NTM: variants seen among roughly 807,000 people sequenced by gnomAD.
NTM encodes IgLON family member 2.
NTM carries 13 observed loss-of-function variants against 42.1 expected under a neutral mutation model. The observed-to-expected ratio is 0.31, with a 90% CI of 0.20 to 0.49. The LOEUF is 0.49. Ranked by LOEUF, NTM falls within the 20% of genes least tolerant of loss-of-function variation. NTM has a pLI of 0.99. For missense variants in NTM, 373 were observed against 452.8 expected (o/e 0.82, Z 1.60); for synonymous variants, 187 against 179.2 (o/e 1.04, Z -0.35).
intron 1 of NTM, chr11:131,540,616 G>A (rs1030267159): frequency 5.9e-5 from 9 of 152,296 alleles, no homozygotes; most frequent in East Asian, 3.9e-4. Flanking sequence ...GATCTTCTCC[G>A]TCCAGATGTT....
chr11:131,627,198 T>A (rs1205454733), intron 1 of NTM, among the ~76,000 whole-genome samples: 2 of 151,962 alleles, frequency 1.3e-5, no homozygotes, highest in Admixed American at 6.6e-5. Context: ...TATTTGTGCA[T>A]GAATAAAGCA....
chr11:131,963,988 T>C (rs770611194), intron 2 of NTM, among the ~76,000 whole-genome samples: 12 of 152,208 alleles, frequency 7.9e-5, no homozygotes, highest in Non-Finnish European at 1.8e-4. Context: ...TTATACTTAG[T>C]ATAAGTCTGT....
rs954731173 is a variant in NTM, at chr11:131,538,586, G to A, written c.82+167698G>A. On this transcript the variant is annotated intron_variant, in intron 1 of 8. Coordinates refer to ENST00000683400, the MANE Select transcript of NTM (RefSeq NM_001352005.2). ...GTTAGTGCCTGATCACGGGGCTGGAGGAGCTCTGGAGCAGAGCTCAGGCAA... is the reference window on the plus strand; with the variant it reads ...GTTAGTGCCTGATCACGGGGCTGGAAGAGCTCTGGAGCAGAGCTCAGGCAA... The A allele has an allele frequency of 3.3e-5, 5 of 152,456 alleles. No individual in the cohort carries two copies. In the East Asian group the frequency reaches 9.7e-4, roughly 30 times the overall value. The allele number at this position is 152,456 out of a possible 1,614,324, so 9.4% of individuals were successfully genotyped here.
At position 131,456,241 on chromosome 11, in the gene NTM, G is replaced by A. The variant is rs992152648; in HGVS notation, c.82+85353G>A. On this transcript the variant is annotated intron_variant, in intron 1 of 8. Transcript: ENST00000683400. ...TCAGTAGCAGCAGGTTGTTTCAGTC[G>A]CTGTTAGATAAAACTGGTTTTCAAT... Among the ~76,000 whole-genome samples, 8 of 152,304 alleles carry A rather than the reference G, an allele frequency of 5.3e-5. No homozygotes were observed. In the East Asian group the frequency reaches 5.8e-4, roughly 11 times the overall value.
intron 1 of NTM, among the ~76,000 whole-genome samples, chr11:131,691,509 G>T (rs2074711443): frequency 6.7e-6 from 1 of 148,452 alleles, no homozygotes; most frequent in South Asian, 2.1e-4. Flanking sequence ...CTGGCCCCCC[G>T]CCAAGGCGAT....
At chr11:131,697,591 A>T (rs993609021) in intron 1 of NTM, among the ~76,000 whole-genome samples, 2 of 152,118 alleles carry the variant, frequency 1.3e-5, no homozygotes, top group Non-Finnish European at 2.9e-5. Flanking sequence ...CTTCCAATTC[A>T]GTAATTTTAT....
chr11:131,682,932 G>C (rs2073217377), intron 1 of NTM, among the ~76,000 whole-genome samples: 1 of 152,082 alleles, frequency 6.6e-6, no homozygotes, highest in Admixed American at 6.5e-5. Context: ...TGTGAAATGG[G>C]ATGAGCTGGA....
chr11:132,331,533 T>G (rs931634354), intron 8 of NTM, among the ~76,000 whole-genome samples: 1 of 152,176 alleles, frequency 6.6e-6, no homozygotes, highest in Non-Finnish European at 1.5e-5. Flanking sequence ...CAAAGACAAA[T>G]AAATGTGGAT....
intron 2 of NTM, among the ~76,000 whole-genome samples, chr11:132,007,595 A>C (rs938003600): frequency 7.2e-5 from 11 of 152,318 alleles, no homozygotes; most frequent in Non-Finnish European, 1.5e-4. Flanking sequence ...CCTGGGGGAA[A>C]AATCAAGTCA....
At chr11:131,617,727 T>C (rs996576950) in intron 1 of NTM, among the ~76,000 whole-genome samples, 1 of 152,212 alleles carries the variant, frequency 6.6e-6, no homozygotes, top group African/African-American at 2.4e-5. Flanking sequence ...CCACCAATTT[T>C]CAGCTTCCAC....
intron 3 of NTM, among the ~76,000 whole-genome samples, chr11:132,201,975 C>T (rs11222973): frequency 0.02 from 3,120 of 152,300 alleles, 58 homozygotes; most frequent in Middle Eastern, 0.051. Flanking sequence ...TATTAGTTTT[C>T]TCCCATGAGG....
At chr11:131,548,330 G>A (rs2054209617) in intron 1 of NTM, among the ~76,000 whole-genome samples, 1 of 151,972 alleles carries the variant, frequency 6.6e-6, no homozygotes, top group Non-Finnish European at 1.5e-5. Flanking sequence ...ACATCCCCCA[G>A]GCAGTACATC....
chr11:131,867,282 G>A (rs139061125), intron 1 of NTM, among the ~76,000 whole-genome samples: 6 of 152,310 alleles, frequency 3.9e-5, no homozygotes, highest in South Asian at 2.1e-4. Context: ...GGAAGGATCC[G>A]CAAAGGCTGG....
intron 2 of NTM, among the ~76,000 whole-genome samples, chr11:131,953,787 AAAGAGTTT>A (rs1457029956): frequency 6.6e-6 from 1 of 152,190 alleles, no homozygotes; most frequent in Non-Finnish European, 1.5e-5. Flanking sequence ...GGCAAGCTAA[AAAGAGTTT>A]AAGAAATGAA....
intron 2 of NTM, among the ~76,000 whole-genome samples, chr11:132,008,970 A>C (rs927235471): frequency 1.3e-5 from 2 of 151,840 alleles, no homozygotes; most frequent in African/African-American, 4.8e-5. Context: ...AGAATTCACC[A>C]GCAGGACACC....
At chr11:132,064,707 G>T (rs1297837871) in intron 2 of NTM, among the ~76,000 whole-genome samples, 1 of 152,198 alleles carries the variant, frequency 6.6e-6, no homozygotes, top group Non-Finnish European at 1.5e-5. Context: ...AAGACTAACT[G>T]ATCTCTACTC....
chr11:132,208,571 ATACT>A (rs1441999272), intron 3 of NTM, among the ~76,000 whole-genome samples: 1 of 152,170 alleles, frequency 6.6e-6, no homozygotes, highest in Non-Finnish European at 1.5e-5. Context: ...CTCATTTAAT[ATACT>A]TACTGCACTG....
At chr11:131,606,553 A>G (rs986663790) in intron 1 of NTM, among the ~76,000 whole-genome samples, 2 of 151,768 alleles carry the variant, frequency 1.3e-5, no homozygotes, top group Admixed American at 6.6e-5. Flanking sequence ...ATGGGTTTGG[A>G]AAATAGTAGA....
intron 2 of NTM, among the ~76,000 whole-genome samples, chr11:132,082,020 G>A (rs113309883): frequency 4.0e-4 from 60 of 148,770 alleles, no homozygotes; most frequent in African/African-American, 1.4e-3. Context: ...ACTATATTAT[G>A]AGAGGACTTC....
Sources: gnomAD v4.1 joint callset for allele counts (sites outside exome capture counted in the v4.1 genomes callset) on GRCh38, gnomAD v4.1.1 for gene constraint, MANE v1.5 for transcripts, NCBI Gene and HGNC (gene_info 2026-07-23, HGNC 2026-07-21) for gene names.